ATL2: variants seen among roughly 807,000 people sequenced by gnomAD.
ATL2 encodes atlastin GTPase 2, also known as atlastin-2.
In ATL2, 31 loss-of-function variants were observed where a neutral mutation model predicts 73.9. The ratio of observed to expected loss-of-function variants is 0.42; its 90% CI spans 0.32 to 0.57. The LOEUF (loss-of-function observed/expected upper bound fraction) is 0.57, where lower values mean the gene tolerates loss of function less well. Ranked by LOEUF, ATL2 falls within the 20% of genes least tolerant of loss-of-function variation. The pLI is 0.14. For missense variants in ATL2, 738 were observed against 702.6 expected (o/e 1.05, Z -0.57); for synonymous variants, 291 against 237.5 (o/e 1.23, Z -2.07).
Position 38,294,401 on chromosome 2 carries a change from A to G in ATL2, c.*1593T>C, listed in dbSNP as rs905885647. The stretch of plus-strand genomic sequence containing the variant: ...ATCTCTACTTAAAATAGAAAACATT[A>G]GCCGGGAATGGTGGCACGCACCTGT... On this transcript the variant is annotated 3_prime_UTR_variant, in exon 13 of 13. Transcript: ENST00000378954. Among the ~76,000 whole-genome samples the G allele has an allele frequency of 6.6e-6, 1 of 152,210 alleles. No homozygotes were observed. The highest frequency in any genetic ancestry group is 6.5e-5 in the Admixed American group (1 of 15,290).
intron 6 of ATL2, among the ~76,000 whole-genome samples, chr2:38,314,202 T>C (rs549845090): frequency 6.6e-6 from 1 of 152,290 alleles, no homozygotes; most frequent in Admixed American, 6.5e-5. Flanking sequence ...GGAACTTTTC[T>C]ATATGAAACC....
intron 2 of ATL2, among the ~76,000 whole-genome samples, chr2:38,325,658 CAG>C (rs1332751903): frequency 2.5e-4 from 3 of 11,966 alleles, no homozygotes; most frequent in African/African-American, 3.7e-4. Flanking sequence ...ACACACACAC[CAG>C]TACACACACA....
chr2:38,310,865 A>C (rs4670862), intron 7 of ATL2, among the ~76,000 whole-genome samples: 1 of 151,616 alleles, frequency 6.6e-6, no homozygotes, highest in Non-Finnish European at 1.5e-5. Flanking sequence ...AACCTCAGGT[A>C]ATCCACCCGC....
chr2:38,309,376 T>TA lies in ATL2; in HGVS notation c.1071+2dup. ...AGACAAAACTGTTTAAGAGCTCACC[T>TA]ACCTTAAAATATTCTACAAGATCTC... On this transcript the variant is annotated splice_region_variant and intron_variant, in intron 9 of 12. Coordinates refer to ENST00000378954, the MANE Select transcript of ATL2 (RefSeq NM_001135673.4). The TA allele has an allele frequency of 6.2e-7, 1 of 1,601,648 alleles. No individual in the cohort carries two copies. Among genetic ancestry groups the TA allele is most frequent in the Non-Finnish European group, 8.5e-7 (1 of 1,177,612 alleles).
intron 1 of ATL2, chr2:38,376,229 G>A: frequency 6.8e-7 from 1 of 1,473,522 alleles, no homozygotes; most frequent in South Asian, 1.3e-5. Context: ...CACAGTGAGA[G>A]ATCAAACGCT....
At chr2:38,321,540 A>G (rs1337830080) in intron 2 of ATL2, among the ~76,000 whole-genome samples, 2 of 152,142 alleles carry the variant, frequency 1.3e-5, no homozygotes, top group Non-Finnish European at 2.9e-5. Flanking sequence ...TGGATACTTC[A>G]TATTGGTCTC....
At chr2:38,365,140 C>A (rs967926615) in intron 1 of ATL2, among the ~76,000 whole-genome samples, 5 of 147,254 alleles carry the variant, frequency 3.4e-5, no homozygotes, top group Non-Finnish European at 7.4e-5. Context: ...ATCATACACA[C>A]ACACACACAC....
At chr2:38,358,771 A>T (rs952438589) in intron 1 of ATL2, 3 of 155,188 alleles carry the variant, frequency 1.9e-5, no homozygotes, top group African/African-American at 7.2e-5. Flanking sequence ...TAGCTCTATT[A>T]AACTATTAGT....
At chr2:38,362,570 C>A (rs139015944) in intron 1 of ATL2, among the ~76,000 whole-genome samples, 38 of 152,278 alleles carry the variant, frequency 2.5e-4, no homozygotes, top group Middle Eastern at 3.4e-3. Context: ...TTAACAAGCA[C>A]CCCACTAACC....
chr2:38,301,484 G>A (rs985045799), intron 9 of ATL2, among the ~76,000 whole-genome samples: 1 of 152,222 alleles, frequency 6.6e-6, no homozygotes, highest in Non-Finnish European at 1.5e-5. Context: ...TGAAGAGGAT[G>A]TGAAAAACAG....
chr2:38,313,930 A>T (rs1342015411), intron 6 of ATL2, among the ~76,000 whole-genome samples: 4 of 152,190 alleles, frequency 2.6e-5, no homozygotes, highest in Non-Finnish European at 5.9e-5. Context: ...AATAGGGTAT[A>T]TTTCACCTAT....
intron 2 of ATL2, among the ~76,000 whole-genome samples, chr2:38,325,690 A>ACACC (rs1668589211): frequency 1.7e-5 from 1 of 59,644 alleles, no homozygotes; most frequent in African/African-American, 1.8e-4. Context: ...ACACACACAC[A>ACACC]CACACCAGTA....
At chr2:38,376,946 G>T (rs1021508180) in intron 1 of ATL2, among the ~76,000 whole-genome samples, 197 bp downstream of exon 1, 1 of 151,006 alleles carries the variant, frequency 6.6e-6, no homozygotes, top group African/African-American at 2.4e-5. Flanking sequence ...CGGCCCACGA[G>T]CCGCCCTTTC....
Position 38,298,280 on chromosome 2 carries a change from G to T in ATL2, c.1496C>A (p.Ser499Tyr). Reference protein sequence around the residue: ...SGLTGFIGLNSIAVLCNLVMG... With the variant: ...SGLTGFIGLNYIAVLCNLVMG... Reference sequence around the variant, plus strand: ...GACAAGGTTACACAAGACAGCTATAGAGTTTAGGCCAATGAAGCCAGTCAG... The same window carrying T: ...GACAAGGTTACACAAGACAGCTATATAGTTTAGGCCAATGAAGCCAGTCAG... The change falls in exon 12 of 13, where the codon TCT becomes TAT. Residue 499 changes from serine (S) to tyrosine (Y), a missense_variant. Coordinates refer to ENST00000378954, the MANE Select transcript of ATL2 (RefSeq NM_001135673.4). 1 of 1,614,150 alleles carries T rather than the reference G, an allele frequency of 6.2e-7. No individual in the cohort carries two copies.
At chr2:38,362,870 C>CAA (rs1162098111) in intron 1 of ATL2, among the ~76,000 whole-genome samples, 1 of 152,186 alleles carries the variant, frequency 6.6e-6, no homozygotes, top group Non-Finnish European at 1.5e-5. Context: ...AGACAGTAGT[C>CAA]ACAGATAACT....
At chr2:38,345,840 G>C (rs996603025) in intron 1 of ATL2, among the ~76,000 whole-genome samples, 28 of 152,190 alleles carry the variant, frequency 1.8e-4, no homozygotes, top group Non-Finnish European at 4.1e-4. Context: ...CTCTGCACCT[G>C]TTTTCTCATC....
chr2:38,332,537 T>C (rs1372711770), intron 2 of ATL2, among the ~76,000 whole-genome samples: 5 of 152,188 alleles, frequency 3.3e-5, no homozygotes, highest in Non-Finnish European at 5.9e-5. Flanking sequence ...ATTGGGGTAA[T>C]AGTTGCACAA....
At chr2:38,318,735 C>T (rs1024058278) in intron 3 of ATL2, 96 bp from the exon 4 acceptor site, 1 of 1,326,468 alleles carries the variant, frequency 7.5e-7, no homozygotes. Flanking sequence ...GTAATTAAAT[C>T]AAGAAAAGTA....
At chr2:38,345,397 A>G (rs933756569) in intron 1 of ATL2, among the ~76,000 whole-genome samples, 2 of 152,230 alleles carry the variant, frequency 1.3e-5, no homozygotes, top group Non-Finnish European at 2.9e-5. Flanking sequence ...CAAAAGAAGC[A>G]TCTCACTTAT....
Sources: allele counts gnomAD v4.1 joint callset (sites outside exome capture counted in the v4.1 genomes callset), GRCh38; gene constraint gnomAD v4.1.1; transcripts MANE v1.5; gene names NCBI Gene and HGNC (gene_info 2026-07-23, HGNC 2026-07-21).